Variants in SDK1 observed in about 807,000 individuals in gnomAD.
SDK1 encodes the protein protein sidekick-1.
SDK1 carries 157 observed loss-of-function variants against 245.5 expected under a neutral mutation model. The ratio of observed to expected loss-of-function variants is 0.64; its 90% CI spans 0.56 to 0.73. The LOEUF is 0.73. Ranked by LOEUF, SDK1 falls within the 30% of genes least tolerant of loss-of-function variation. The probability of loss-of-function intolerance (pLI) is 0.00; values close to 1 mark genes in which losing one functional copy is unlikely to be tolerated. For synonymous variants in SDK1, 1,647 were observed against 1,278.5 expected (o/e 1.29, Z -6.15); for missense variants, 3,583 against 3,002.3 (o/e 1.19, Z -4.52).
At chr7:4,210,647 C>A (rs1053285487) in intron 38 of SDK1, among the ~76,000 whole-genome samples, 2 of 152,174 alleles carry the variant, frequency 1.3e-5, no homozygotes, top group Non-Finnish European at 2.9e-5. Flanking sequence ...TCATCCGTCC[C>A]CTCAGCGGAC....
At chr7:3,724,224 C>G (rs1186250551) in intron 4 of SDK1, among the ~76,000 whole-genome samples, 1 of 151,988 alleles carries the variant, frequency 6.6e-6, no homozygotes, top group Non-Finnish European at 1.5e-5. Flanking sequence ...CTTGGCCTCC[C>G]AAATTGCTGG....
At chr7:3,698,046 G>C (rs1180984152) in intron 4 of SDK1, among the ~76,000 whole-genome samples, 1 of 152,138 alleles carries the variant, frequency 6.6e-6, no homozygotes. Context: ...AGCTTGCACT[G>C]GGTGTTGAGA....
intron 1 of SDK1, among the ~76,000 whole-genome samples, chr7:3,404,657 T>C (rs933730878): frequency 1.3e-5 from 2 of 152,228 alleles, no homozygotes; most frequent in Non-Finnish European, 2.9e-5. Context: ...TTCTTATCAG[T>C]CTTTTTGCAT....
intron 29 of SDK1, among the ~76,000 whole-genome samples, chr7:4,146,498 G>GCATT (rs1223172929): frequency 2.0e-5 from 3 of 152,156 alleles, no homozygotes; most frequent in Non-Finnish European, 2.9e-5. Context: ...CCTGAGCATT[G>GCATT]CATTCACACC....
At chr7:3,947,829 G>T (rs369549266) in intron 5 of SDK1, among the ~76,000 whole-genome samples, 5 of 151,930 alleles carry the variant, frequency 3.3e-5, no homozygotes, top group South Asian at 2.1e-4. Flanking sequence ...TCTAAAATTG[G>T]CTAAAAACAA....
At chr7:3,464,093 T>G (rs1257593717) in intron 1 of SDK1, among the ~76,000 whole-genome samples, 1 of 152,220 alleles carries the variant, frequency 6.6e-6, no homozygotes, top group Non-Finnish European at 1.5e-5. Context: ...TTGTAAAAAT[T>G]ATTCTAAAAA....
At chr7:4,017,027 A>G in intron 16 of SDK1, 144 bp from the exon 17 acceptor site, 1 of 672,102 alleles carries the variant, frequency 1.5e-6, no homozygotes, top group Non-Finnish European at 2.3e-6. Context: ...GAGTTGGGAA[A>G]TAGTATTGTT....
chr7:3,473,471 A>G (rs570784929), intron 1 of SDK1, among the ~76,000 whole-genome samples: 1 of 152,216 alleles, frequency 6.6e-6, no homozygotes, highest in African/African-American at 2.4e-5. Flanking sequence ...AGCATTTACA[A>G]AAGTCTAGGC....
At chr7:4,147,015 C>T (rs975372556) in intron 29 of SDK1, among the ~76,000 whole-genome samples, 29 of 152,144 alleles carry the variant, frequency 1.9e-4, no homozygotes, top group Admixed American at 2.0e-4. Flanking sequence ...GGCCTTGCAG[C>T]GTCCAGGGTT....
chr7:3,319,111 C>T (rs901095195), intron 1 of SDK1, among the ~76,000 whole-genome samples: 2 of 152,120 alleles, frequency 1.3e-5, no homozygotes, highest in Non-Finnish European at 2.9e-5. Context: ...GCAGTGGGGC[C>T]TCACGGAGAA....
intron 1 of SDK1, among the ~76,000 whole-genome samples, chr7:3,581,236 T>C (rs1318246545): frequency 2.6e-5 from 4 of 152,154 alleles, no homozygotes; most frequent in Non-Finnish European, 5.9e-5. Context: ...ATCCAGTGTC[T>C]ATAAGGAACT....
At position 3,732,428 on chromosome 7, in the gene SDK1, C is replaced by G. The variant is rs1207138125; in HGVS notation, c.714-89022C>G. 2.6e-5 allele frequency among the ~76,000 whole-genome samples: 4 copies of G among 152,182 alleles called. No individual in the cohort carries two copies. In the South Asian group the frequency reaches 8.3e-4, roughly 32 times the overall value. On this transcript the variant is annotated intron_variant, in intron 4 of 44. Coordinates refer to ENST00000404826, the MANE Select transcript of SDK1 (RefSeq NM_152744.4). ...AAGATAGAGGAAGATTTTTTAAAAA[C>G]TTGACACCATTAATTTCTGCTTTGT...
At chr7:3,941,325 A>AC in intron 5 of SDK1, among the ~76,000 whole-genome samples, 1 of 151,970 alleles carries the variant, frequency 6.6e-6, no homozygotes, top group Middle Eastern at 3.4e-3. Flanking sequence ...CCCGCTCTAG[A>AC]CAGTGTGCAA....
chr7:3,832,532 A>G (rs1779937880), intron 5 of SDK1, among the ~76,000 whole-genome samples: 1 of 152,236 alleles, frequency 6.6e-6, no homozygotes, highest in Non-Finnish European at 1.5e-5. Flanking sequence ...GCCCACAGAA[A>G]ATCAGGTAAA....
chr7:3,557,811 CTGTA>C (rs1779635019), intron 1 of SDK1, among the ~76,000 whole-genome samples: 1 of 152,136 alleles, frequency 6.6e-6, no homozygotes, highest in Non-Finnish European at 1.5e-5. Flanking sequence ...TGAACCCTGA[CTGTA>C]TGACTCCAGA....
At chr7:4,045,426 T>G (rs2128164230) in intron 17 of SDK1, among the ~76,000 whole-genome samples, 1 of 152,074 alleles carries the variant, frequency 6.6e-6, no homozygotes, top group South Asian at 2.1e-4. Context: ...GATTTTTTTT[T>G]GTAGGGACGG....
chr7:3,533,300 CT>C (rs1334145238), intron 1 of SDK1, among the ~76,000 whole-genome samples: 14 of 152,084 alleles, frequency 9.2e-5, no homozygotes, highest in Admixed American at 2.6e-4. Flanking sequence ...GATGTGAGCT[CT>C]ACTAAGTGAA....
At chr7:3,757,704 C>G (rs891919953) in intron 4 of SDK1, among the ~76,000 whole-genome samples, 2 of 152,166 alleles carry the variant, frequency 1.3e-5, no homozygotes. Context: ...GTCCAACACC[C>G]CGGAGGCTCT....
rs535588184 is a variant in SDK1 at position 3,747,898 on chromosome 7, T to A, written c.714-73552T>A. ...GGGGTGAAAGGTAACTCTGGAGATA[T>A]AGGAAGGGGTCACAGCACCTTTTAG... On this transcript the variant is annotated intron_variant, in intron 4 of 44. Transcript: ENST00000404826. 3.9e-5 allele frequency among the ~76,000 whole-genome samples: 6 copies of A among 151,968 alleles called. 2 individuals are homozygous for A. Among genetic ancestry groups the A allele is most frequent in the African/African-American group, 1.4e-4 (6 of 41,436 alleles).
Sources: allele counts gnomAD v4.1 joint callset (sites outside exome capture counted in the v4.1 genomes callset), GRCh38; gene constraint gnomAD v4.1.1; transcripts MANE v1.5; gene names NCBI Gene and HGNC (gene_info 2026-07-23, HGNC 2026-07-21).